Variants in ASXL2 observed in about 807,000 individuals in gnomAD.
ASXL2 encodes the protein ASXL transcriptional regulator 2.
A neutral mutation model predicts 122.0 loss-of-function variants in ASXL2; 23 were observed. That is an observed-to-expected ratio of 0.19 (90% CI 0.14 to 0.27). The LOEUF (loss-of-function observed/expected upper bound fraction) is 0.27. Ranked by LOEUF, ASXL2 falls within the 10% of genes least tolerant of loss-of-function variation. ASXL2 has a pLI of 1.00. For missense variants in ASXL2, 1,518 were observed against 1,713.8 expected, an observed-to-expected ratio of 0.89 and a Z score of 2.02; for synonymous variants, 650 against 637.0, an observed-to-expected ratio of 1.02 and a Z score of -0.31.
At chr2:25,846,920 A>G (rs912591305) in intron 1 of ASXL2, among the ~76,000 whole-genome samples, 3 of 152,312 alleles carry the variant, frequency 2.0e-5, no homozygotes, top group Admixed American at 2.0e-4. Flanking sequence ...AATAAACCCA[A>G]TGTGACACAG....
Position 25,749,748 on chromosome 2 carries a change from G to A in ASXL2, c.1808C>T (p.Pro603Leu). 1.3e-6 allele frequency: 2 copies of A among 1,571,700 alleles called. No individual in the cohort carries two copies. The highest frequency in any genetic ancestry group is 8.6e-7 in the Non-Finnish European group (1 of 1,165,236). Residue 603 changes from proline (P) to leucine (L), a missense_variant, in exon 12 of 13, where the codon CCC becomes CTC. Physicochemically the swap from Pro to Leu is moderately conservative, Grantham distance 98. Around this residue, in one of 8 missense-constraint regions of ASXL2, gnomAD observed 292 missense variants for 293.5 expected, o/e 1.00. Coordinates refer to ENST00000435504, the MANE Select transcript of ASXL2 (RefSeq NM_018263.6). ...GATTCTGTCCCCTCTATTGAGAAAG[G>A]GCTGTGGTGAGACCTGAAATGGCTG... The part of the protein sequence containing the change: ...HQQPFQVSPQ[P>L]FLNRGDRIQV...
chr2:25,853,232 C>A (rs2089738625), intron 1 of ASXL2, among the ~76,000 whole-genome samples: 1 of 152,182 alleles, frequency 6.6e-6, no homozygotes, highest in South Asian at 2.1e-4. Context: ...CTACCAAACT[C>A]ACTATACACT....
At chr2:25,775,486 G>A (rs1331360699) in intron 5 of ASXL2, among the ~76,000 whole-genome samples, 4 of 152,226 alleles carry the variant, frequency 2.6e-5, no homozygotes, top group East Asian at 1.9e-4. Context: ...GTAATCACCC[G>A]CTTGTTGAAG....
chr2:25,791,386 C>T (rs1307858364), intron 5 of ASXL2, among the ~76,000 whole-genome samples: 1 of 151,500 alleles, frequency 6.6e-6, no homozygotes, highest in African/African-American at 2.4e-5. Flanking sequence ...ACTCAGGAGG[C>T]TGAGGCAGGA....
chr2:25,804,434 A>G (rs558292404), intron 4 of ASXL2, among the ~76,000 whole-genome samples: 13 of 152,350 alleles, frequency 8.5e-5, no homozygotes, highest in Non-Finnish European at 1.8e-4. Flanking sequence ...CAAACCAATT[A>G]AGCCAAATCA....
chr2:25,748,149 G>C (rs1214860507), intron 12 of ASXL2, among the ~76,000 whole-genome samples: 2 of 152,006 alleles, frequency 1.3e-5, no homozygotes, highest in Non-Finnish European at 2.9e-5. Flanking sequence ...CTGCATTCCA[G>C]CCTGGACGAC....
In ASXL2 at chr2:25,738,170, C is replaced by T. The variant is rs181689976; in HGVS notation, c.*3859G>A. On this transcript the variant is annotated 3_prime_UTR_variant, in exon 13 of 13. Transcript: ENST00000435504. ...CAAAGTCTTCCACTGTCACTTTTTA[C>T]AGATATTAAAATATATATTACTTAA... 1 of 152,056 alleles carries T rather than the reference C, an allele frequency of 6.6e-6. No homozygotes were observed. Among genetic ancestry groups the T allele is most frequent in the East Asian group, 1.9e-4 (1 of 5,184 alleles). 9.4% of individuals were successfully genotyped at this position (152,056 alleles called of 1,614,324 possible).
intron 1 of ASXL2, among the ~76,000 whole-genome samples, chr2:25,865,774 C>CAAA (rs61021417): frequency 3.6e-5 from 2 of 55,536 alleles, no homozygotes; most frequent in Non-Finnish European, 6.0e-5. Flanking sequence ...GACTCCGTCT[C>CAAA]AAAAAAAAAA....
intron 1 of ASXL2, among the ~76,000 whole-genome samples, chr2:25,865,158 T>TG (rs1276433656): frequency 6.6e-6 from 1 of 150,906 alleles, no homozygotes; most frequent in East Asian, 2.0e-4. Context: ...AGGCCAGGCA[T>TG]GGTGGCTCAC....
rs1308059076 is a variant in ASXL2, at chr2:25,780,381, G to C, written c.404-8841C>G. On this transcript the variant is annotated intron_variant, in intron 5 of 12. Coordinates refer to ENST00000435504, the MANE Select transcript of ASXL2 (RefSeq NM_018263.6). The stretch of plus-strand genomic sequence containing the variant: ...TGCATAGAATTCCATTGTGTATATC[G>C]ATCGTGATTTCTTCCACCAGATTTT... The C allele has an allele frequency of 3.9e-5, 6 of 152,160 alleles. No homozygotes were observed. In the South Asian group the frequency reaches 6.2e-4, roughly 16 times the overall value. 9.4% of individuals were successfully genotyped at this position (152,160 alleles called of 1,614,324 possible).
In ASXL2 at chr2:25,858,584, G is replaced by A. The variant is rs867327506; in HGVS notation, c.58-13021C>T. On this transcript the variant is annotated intron_variant, in intron 1 of 12. Coordinates refer to ENST00000435504, the MANE Select transcript of ASXL2 (RefSeq NM_018263.6). The stretch of plus-strand genomic sequence containing the variant: ...CTAAAAATACAAAAATTAGCCGGGC[G>A]TGGTAGTACATACCTGTACTCCCAG... Among the ~76,000 whole-genome samples the A allele has an allele frequency of 5.9e-5, 9 of 151,582 alleles. No homozygotes were observed. The East Asian group carries it at 5.9e-4, about 10-fold the overall frequency.
Position 25,742,058 on chromosome 2 carries a change from G to A in ASXL2, c.4279C>T (p.Leu1427=), listed in dbSNP as rs765699534. ...CHDDCIGPSK[L]CVSCLVVR ...CGAACGACAAGGCAGGAGACGCACA[G>A]TTTGGAGGGGCCGATGCAATCATCA... The change falls in exon 13 of 13, where the codon CTG becomes TTG. Residue 1427 remains leucine (L), a synonymous_variant. Transcript: ENST00000435504. 8 of 1,613,816 alleles carry A rather than the reference G, an allele frequency of 5.0e-6. No individual in the cohort carries two copies. In the African/African-American group the frequency reaches 6.7e-5, roughly 13 times the overall value.
rs917853642 is a variant in ASXL2 at position 25,866,272 on chromosome 2, G to C, written c.57+11894C>G. Among the ~76,000 whole-genome samples, 6 of 151,422 alleles carry C rather than the reference G, an allele frequency of 4.0e-5. No individual in the cohort carries two copies. In the East Asian group the frequency reaches 7.8e-4, roughly 20 times the overall value. ...CAGCCTCCCAAGTAGCTGGGACTAC[G>C]GGTGCATGCCACCACGCCCAGCTAA... On this transcript the variant is annotated intron_variant, in intron 1 of 12. Coordinates refer to ENST00000435504, the MANE Select transcript of ASXL2 (RefSeq NM_018263.6).
intron 6 of ASXL2, among the ~76,000 whole-genome samples, chr2:25,770,086 G>A (rs906122412): frequency 6.6e-6 from 1 of 152,228 alleles, no homozygotes; most frequent in Non-Finnish European, 1.5e-5. Context: ...TGCAAGTGCA[G>A]TCACCAGTAT....
intron 2 of ASXL2, among the ~76,000 whole-genome samples, chr2:25,842,734 CTATA>C (rs1243725333): frequency 6.1e-5 from 9 of 146,986 alleles, no homozygotes; most frequent in Admixed American, 2.0e-4. Flanking sequence ...ATGTATATAT[CTATA>C]TATATGTATG....
At chr2:25,860,062 C>T (rs2149199565) in intron 1 of ASXL2, among the ~76,000 whole-genome samples, 1 of 152,292 alleles carries the variant, frequency 6.6e-6, no homozygotes, top group East Asian at 1.9e-4. Flanking sequence ...TGGCTCACAC[C>T]TGTAATCCCA....
At chr2:25,796,102 T>C (rs1201220931) in intron 5 of ASXL2, among the ~76,000 whole-genome samples, 1 of 152,240 alleles carries the variant, frequency 6.6e-6, no homozygotes, top group African/African-American at 2.4e-5. Flanking sequence ...GTAGTAGCTA[T>C]AGCAGAGAAC....
intron 1 of ASXL2, chr2:25,856,913 C>A (rs774657050): frequency 1.5e-6 from 1 of 654,272 alleles, no homozygotes; most frequent in Non-Finnish European, 2.8e-6. Context: ...GTCTAGGTGG[C>A]AGCTGGGACA....
intron 2 of ASXL2, among the ~76,000 whole-genome samples, chr2:25,841,614 AGGAG>A (rs1559525928): frequency 3.9e-5 from 6 of 152,220 alleles, no homozygotes; most frequent in Admixed American, 3.3e-4. Context: ...TGGGAGGCCG[AGGAG>A]GGCAGATCAT....
Sources: allele counts gnomAD v4.1 joint callset (sites outside exome capture counted in the v4.1 genomes callset), GRCh38; gene constraint gnomAD v4.1.1; regional missense constraint gnomAD v4.1.1; transcripts MANE v1.5; gene names NCBI Gene and HGNC (gene_info 2026-07-23, HGNC 2026-07-21).